DNASE1L3: variants seen among roughly 807,000 people sequenced by gnomAD.
DNASE1L3 encodes the protein deoxyribonuclease gamma.
In DNASE1L3, 27 loss-of-function variants were observed where a neutral mutation model predicts 30.9. That is an observed-to-expected ratio of 0.87 (90% CI 0.64 to 1.20). DNASE1L3 has a LOEUF of 1.20. Among genes scored for constraint, DNASE1L3 ranks in the 50% most tolerant of loss-of-function variants. The pLI, the probability that DNASE1L3 is intolerant of heterozygous loss-of-function variation, is 0.00. For synonymous variants in DNASE1L3, 135 were observed against 138.0 expected (o/e 0.98, Z 0.15); for missense variants, 364 against 378.2 (o/e 0.96, Z 0.31).
At chr3:58,204,030 C>T (rs561278413) in intron 4 of DNASE1L3, among the ~76,000 whole-genome samples, 4 of 152,088 alleles carry the variant, frequency 2.6e-5, no homozygotes, top group Admixed American at 6.6e-5. Context: ...GTTCAGGGAG[C>T]AATCCATTTG....
In DNASE1L3 at chr3:58,208,285, T is replaced by C; in HGVS notation, c.163A>G (p.Ile55Val). The change falls in exon 2 of 8, where the codon ATA becomes GTA. Residue 55 changes from isoleucine (I) to valine (V), a missense_variant. Transcript: ENST00000394549. ...IVKVIKRCDI[I>V]LVMEIKDSNN... ...CTGTCCTTGATTTCCATCACGAGTA[T>C]GATGTCACAGCGTTTGATGACCTGC... is the stretch of plus-strand genomic sequence containing the variant. 6.2e-7 allele frequency: 1 copy of C among 1,614,218 alleles called. No homozygotes were observed. The highest frequency in any genetic ancestry group is 8.5e-7 in the Non-Finnish European group (1 of 1,180,034).
Position 58,205,475 on chromosome 3 carries a change from A to G in DNASE1L3, c.316T>C (p.Tyr106His). 2 of 1,613,322 alleles carry G rather than the reference A, an allele frequency of 1.2e-6. No homozygotes were observed. The highest frequency in any genetic ancestry group is 1.7e-6 in the Non-Finnish European group (2 of 1,179,234). Reference protein sequence around the residue: ...NTYKEQYAFLYKEKLVSVKRS... With the variant: ...NTYKEQYAFLHKEKLVSVKRS... ...GGGAGCATAGGTGATACTTACTTGT[A>G]GAGAAAGGCATATTGTTCTTTATAT... The change falls in exon 3 of 8, where the codon TAC becomes CAC. Residue 106 changes from tyrosine to histidine, a missense_variant. Tyr to His is a moderately conservative substitution (Grantham distance 83, BLOSUM62 2). Coordinates refer to ENST00000394549, the MANE Select transcript of DNASE1L3 (RefSeq NM_004944.4).
At chr3:58,201,837 G>T (rs2097400740) in intron 4 of DNASE1L3, among the ~76,000 whole-genome samples, 1 of 152,218 alleles carries the variant, frequency 6.6e-6, no homozygotes, top group Non-Finnish European at 1.5e-5. Context: ...TCTCGCCATT[G>T]TTCCATCTGC....
In DNASE1L3 at chr3:58,204,640, T is replaced by C; in HGVS notation, c.433+129A>G. ...ATCACACTGAACTGCATCGTCTACA[T>C]TGAAGTATTAGAAGCAATGCACTGT... On this transcript the variant is annotated intron_variant, in intron 4 of 7. Coordinates refer to ENST00000394549, the MANE Select transcript of DNASE1L3 (RefSeq NM_004944.4). 1.1e-5 allele frequency: 8 copies of C among 717,108 alleles called. No individual in the cohort carries two copies. The East Asian group carries it at 1.4e-4, about 12-fold the overall frequency. The allele number at this position is 717,108 out of a possible 1,614,324, so 44.4% of individuals were successfully genotyped here.
At chr3:58,195,135 AT>A (rs2097396485) in intron 6 of DNASE1L3, among the ~76,000 whole-genome samples, 1 of 152,238 alleles carries the variant, frequency 6.6e-6, no homozygotes, top group African/African-American at 2.4e-5. Flanking sequence ...GCATCTTTGC[AT>A]GTTCCCCCAG....
chr3:58,203,210 G>A (rs2097401900), intron 4 of DNASE1L3, among the ~76,000 whole-genome samples: 1 of 152,198 alleles, frequency 6.6e-6, no homozygotes, highest in Non-Finnish European at 1.5e-5. Flanking sequence ...GCTGCATCCA[G>A]GGCCCCACGT....
In DNASE1L3 at chr3:58,197,207, T is replaced by C. The variant is rs1233452648; in HGVS notation, c.704+614A>G. ...GAGTGAGGCACTAGGATAACTTCCA[T>C]TTTACAGGGGAGGAAATGAAAGACA... On this transcript the variant is annotated intron_variant, in intron 6 of 7. Coordinates refer to ENST00000394549, the MANE Select transcript of DNASE1L3 (RefSeq NM_004944.4). The surrounding 1 kb of genome is among the most constrained non-coding windows in gnomAD (Gnocchi z 5.3). Among the ~76,000 whole-genome samples, 2 of 152,184 alleles carry C rather than the reference T, an allele frequency of 1.3e-5. No individual in the cohort carries two copies. The highest frequency in any genetic ancestry group is 1.9e-4 in the East Asian group (1 of 5,204).
At position 58,194,633 on chromosome 3, in the gene DNASE1L3, TTTC is replaced by T. The variant is rs1215634786; in HGVS notation, c.705-1197_705-1195del. 1.1e-3 allele frequency among the ~76,000 whole-genome samples: 102 copies of T among 92,048 alleles called. 2 individuals are homozygous for T. Among genetic ancestry groups the T allele is most frequent in the Middle Eastern group, 4.4e-3 (1 of 226 alleles). The allele number at this position is 92,048 out of a possible 152,430, so 60.4% of individuals were successfully genotyped here. On this transcript the variant is annotated intron_variant, in intron 6 of 7. Coordinates refer to ENST00000394549, the MANE Select transcript of DNASE1L3 (RefSeq NM_004944.4). ...CCGCTCCAGGGCTACGGCTTTTTTT[TTTC>T]TTTTTTTGAGACGGAGTCTCTCTGT...
intron 6 of DNASE1L3, among the ~76,000 whole-genome samples, chr3:58,195,834 A>G (rs2097397000): frequency 1.3e-5 from 2 of 152,136 alleles, no homozygotes. Flanking sequence ...TTGTTATGAG[A>G]AACAAAATTC....
chr3:58,195,226 A>G (rs767811649), intron 6 of DNASE1L3, among the ~76,000 whole-genome samples: 2 of 152,242 alleles, frequency 1.3e-5, no homozygotes, highest in Non-Finnish European at 2.9e-5. Context: ...GTCTAATTAC[A>G]TTTTTAAAAC....
rs776112467 is a variant in DNASE1L3, at chr3:58,204,733, G to A, written c.433+36C>T. 3.8e-6 allele frequency: 6 copies of A among 1,590,664 alleles called. No homozygotes were observed. In the South Asian group the frequency reaches 5.6e-5, roughly 15 times the overall value. On this transcript the variant is annotated intron_variant, in intron 4 of 7. Coordinates refer to ENST00000394549, the MANE Select transcript of DNASE1L3 (RefSeq NM_004944.4). ...CTGCTGCGCATTCATGGGCCGTTGG[G>A]GAGGTCCCAGACAGAAAGGCCTGTG... is the stretch of plus-strand genomic sequence containing the variant.
At position 58,192,863 on chromosome 3, in the gene DNASE1L3, T is replaced by C; in HGVS notation, c.802-60A>G. The C allele has an allele frequency of 6.3e-7, 1 of 1,589,924 alleles. No homozygotes were observed. Among genetic ancestry groups the C allele is most frequent in the Non-Finnish European group, 8.5e-7 (1 of 1,171,336 alleles). On this transcript the variant is annotated intron_variant, in intron 7 of 7. Coordinates refer to ENST00000394549, the MANE Select transcript of DNASE1L3 (RefSeq NM_004944.4). The surrounding 1 kb of genome is among the most constrained non-coding windows in gnomAD (Gnocchi z 4.8). ...AGGAGATGCCTGGGAGATGCTTTCA[T>C]TTTAGCGATGAGCAAATTTAGGACC...
chr3:58,196,100 T>A (rs950594852), intron 6 of DNASE1L3, among the ~76,000 whole-genome samples: 1 of 152,108 alleles, frequency 6.6e-6, no homozygotes, highest in African/African-American at 2.4e-5. Context: ...ACAACTGCCA[T>A]GTGTAACTGA....
intron 4 of DNASE1L3, among the ~76,000 whole-genome samples, chr3:58,203,285 C>T (rs1042030120): frequency 1.3e-5 from 2 of 152,182 alleles, no homozygotes; most frequent in East Asian, 3.9e-4. Context: ...TTTGGTCCCC[C>T]TAAATATTCC....
intron 5 of DNASE1L3, among the ~76,000 whole-genome samples, chr3:58,199,179 A>G (rs1356777168): frequency 6.6e-6 from 1 of 152,234 alleles, no homozygotes. Context: ...AGTGATCACC[A>G]GCTTCTGCTA....
Position 58,208,072 on chromosome 3 carries a change from C to T in DNASE1L3, c.230+146G>A, listed in dbSNP as rs1274417514. On this transcript the variant is annotated intron_variant, in intron 2 of 7. Coordinates refer to ENST00000394549, the MANE Select transcript of DNASE1L3 (RefSeq NM_004944.4). ...TGGTTGAAAGTTCTCAGGACCGTGGCTAAGGGAGCTGGACTCCTGGGCAAC... is the reference window on the plus strand; with the variant it reads ...TGGTTGAAAGTTCTCAGGACCGTGGTTAAGGGAGCTGGACTCCTGGGCAAC... 6 of 673,516 alleles carry T rather than the reference C, an allele frequency of 8.9e-6. No homozygotes were observed. The East Asian group carries it at 1.5e-4, about 17-fold the overall frequency. 41.7% of individuals were successfully genotyped at this position (673,516 alleles called of 1,614,324 possible).
At chr3:58,201,207 GGCT>G (rs1278186097) in intron 4 of DNASE1L3, 98 bp from the exon 5 acceptor site, 31 of 866,882 alleles carry the variant, frequency 3.6e-5, no homozygotes, top group Non-Finnish European at 4.7e-5. Flanking sequence ...AGAAGGCACA[GGCT>G]GCATTATCTG....
In DNASE1L3 at chr3:58,192,789, G is replaced by A. The variant is rs1157754794; in HGVS notation, c.816C>T (p.Ser272=). 3.7e-6 allele frequency: 6 copies of A among 1,613,730 alleles called. No homozygotes were observed. Among genetic ancestry groups the A allele is most frequent in the Non-Finnish European group, 5.1e-6 (6 of 1,179,922 alleles). ...GTTTAAATTCAACTGGAAAGTGGTC[G>A]CTGACATCCAGGGCCTATAAGGAGA... ...KLTEEEALDV[S]DHFPVEFKLQ... is the part of the protein sequence containing the mutation. Residue 272 remains serine, a synonymous_variant, in exon 8 of 8, where the codon AGC becomes AGT. Coordinates refer to ENST00000394549, the MANE Select transcript of DNASE1L3 (RefSeq NM_004944.4). This position sits in a 1 kb window ranked among gnomAD's most constrained non-coding sequence, Gnocchi z 4.8.
intron 2 of DNASE1L3, among the ~76,000 whole-genome samples, 161 bp from the exon 3 acceptor site, chr3:58,205,721 TG>T (rs1187106428): frequency 6.6e-6 from 1 of 152,274 alleles, no homozygotes; most frequent in African/African-American, 2.4e-5. Flanking sequence ...CACCATTGAT[TG>T]GCTGGAATGT....
Sources: allele counts gnomAD v4.1 joint callset (sites outside exome capture counted in the v4.1 genomes callset), GRCh38; gene constraint gnomAD v4.1.1; non-coding constraint Gnocchi (gnomAD v3.1); transcripts MANE v1.5; gene names NCBI Gene and HGNC (gene_info 2026-07-23, HGNC 2026-07-21).